Variants in AGFG1 observed in about 807,000 individuals in gnomAD.
AGFG1 encodes the protein ArfGAP with FG repeats 1.
AGFG1 carries 10 observed loss-of-function variants against 60.6 expected under a neutral mutation model. That is an observed-to-expected ratio of 0.16 (90% CI 0.10 to 0.28). The LOEUF is 0.28. AGFG1 is among the 10% of genes least tolerant of loss of function. AGFG1 has a pLI of 1.00. For missense variants in AGFG1, 537 were observed against 676.5 expected (o/e 0.79, Z 2.29); for synonymous variants, 247 against 242.9 (o/e 1.02, Z -0.16).
chr2:227,545,256 C>T (rs1414218440), intron 10 of AGFG1, among the ~76,000 whole-genome samples: 1 of 152,194 alleles, frequency 6.6e-6, no homozygotes, highest in Non-Finnish European at 1.5e-5. Context: ...GAATCAGCTA[C>T]TGAAGCTTGT....
At chr2:227,493,443 A>G (rs956295443) in intron 2 of AGFG1, among the ~76,000 whole-genome samples, 13 of 152,190 alleles carry the variant, frequency 8.5e-5, no homozygotes, top group Non-Finnish European at 5.9e-5. Context: ...ATTTAGTGTA[A>G]TGTCCTCAAG....
At chr2:227,515,702 G>A (rs747546964) in intron 2 of AGFG1, among the ~76,000 whole-genome samples, 1 of 152,088 alleles carries the variant, frequency 6.6e-6, no homozygotes, top group Admixed American at 6.5e-5. Flanking sequence ...TTTATATATT[G>A]ATGGCCACAA....
At position 227,517,226 on chromosome 2, in the gene AGFG1, G is replaced by A. The variant is rs575830627; in HGVS notation, c.262-2722G>A. On this transcript the variant is annotated intron_variant, in intron 2 of 12. Coordinates refer to ENST00000310078, the MANE Select transcript of AGFG1 (RefSeq NM_004504.5). ...CTGTCACTTCCTAAATGACTTTATA[G>A]TATCTGTACTGAGCCTGGAATAGGA... Among the ~76,000 whole-genome samples, 15 of 152,258 alleles carry A rather than the reference G, an allele frequency of 9.9e-5. No individual in the cohort carries two copies. The South Asian group carries it at 3.1e-3, about 32-fold the overall frequency.
intron 10 of AGFG1, among the ~76,000 whole-genome samples, chr2:227,548,974 A>G (rs1221150822): frequency 6.6e-6 from 1 of 151,050 alleles, no homozygotes; most frequent in Non-Finnish European, 1.5e-5. Context: ...TATAAGGGCC[A>G]CATTAATTTT....
intron 5 of AGFG1, 67 bp from the exon 6 acceptor site, chr2:227,531,024 A>C: frequency 7.2e-7 from 1 of 1,381,010 alleles, no homozygotes; most frequent in South Asian, 1.5e-5. Flanking sequence ...TCTTAAACTC[A>C]TGTGTCATGT....
intron 10 of AGFG1, among the ~76,000 whole-genome samples, chr2:227,544,384 G>A (rs35434483): frequency 0.072 from 10,939 of 151,926 alleles, 527 homozygotes; most frequent in Admixed American, 0.11. Flanking sequence ...TCGATCTCCT[G>A]ACCTCGTCAT....
intron 2 of AGFG1, among the ~76,000 whole-genome samples, chr2:227,518,779 G>A (rs1212823187): frequency 1.3e-5 from 2 of 151,886 alleles, no homozygotes; most frequent in East Asian, 3.9e-4. Flanking sequence ...GCCTGCACCC[G>A]GCCTCAGTGT....
In AGFG1 at chr2:227,472,579, C is replaced by G. The variant is rs1559160727; in HGVS notation, c.158C>G (p.Ser53Cys). The G allele has an allele frequency of 6.3e-7, 1 of 1,575,554 alleles. No homozygotes were observed. Among genetic ancestry groups the G allele is most frequent in the African/African-American group, 1.4e-5 (1 of 71,188 alleles). Residue 53 changes from serine to cysteine, a missense_variant, in exon 1 of 13, where the codon TCC becomes TGC. Around this residue, in one of 4 missense-constraint regions of AGFG1, gnomAD observed 120 missense variants for 198.5 expected, o/e 0.60. Transcript: ENST00000310078. The stretch of plus-strand genomic sequence containing the variant: ...GGCTCCTTCGTGTGTACCTCCTGCT[C>G]CGGCAGCCTGTGAGTGCGGGGCGGC... ...TVGSFVCTSC[S>C]GSLRGLNPPH...
chr2:227,528,590 G>T (rs1480436692), intron 5 of AGFG1, among the ~76,000 whole-genome samples: 1 of 152,102 alleles, frequency 6.6e-6, no homozygotes. Flanking sequence ...TCCATTTTAG[G>T]ATTATTGAAA....
intron 10 of AGFG1, 58 bp downstream of exon 10, chr2:227,537,051 C>G (rs1692335934): frequency 6.9e-7 from 1 of 1,456,196 alleles, no homozygotes; most frequent in South Asian, 1.2e-5. Flanking sequence ...TCAACAAAGA[C>G]ACCATGTGAA....
At chr2:227,500,038 C>A (rs190639088) in intron 2 of AGFG1, among the ~76,000 whole-genome samples, 1 of 152,284 alleles carries the variant, frequency 6.6e-6, no homozygotes, top group Admixed American at 6.5e-5. Flanking sequence ...TCTGTCAGGA[C>A]GGCAGCTGAC....
rs34405103 is a variant in AGFG1 at position 227,484,677 on chromosome 2, G to GTTTTTTTTTTTT, written c.168-6860_168-6859insTTTTTTTTTTTT. Among the ~76,000 whole-genome samples the GTTTTTTTTTTTT allele has an allele frequency of 6.0e-5, 7 of 115,896 alleles. 3 individuals carry two copies. Among genetic ancestry groups the GTTTTTTTTTTTT allele is most frequent in the African/African-American group, 1.3e-4 (4 of 29,958 alleles). 76.0% of individuals were successfully genotyped at this position (115,896 alleles called of 152,430 possible). ...AAGCTTCTTTAATGAAGATCTCTTAGTTTTTTTTTTGTTTTTTTTTTTTTT... is the reference window on the plus strand; with the variant it reads ...AAGCTTCTTTAATGAAGATCTCTTAGTTTTTTTTTTTTTTTTTTTTTTGTTTTTTTTTTTTTT... On this transcript the variant is annotated intron_variant, in intron 1 of 12. Coordinates refer to ENST00000310078, the MANE Select transcript of AGFG1 (RefSeq NM_004504.5).
intron 1 of AGFG1, among the ~76,000 whole-genome samples, chr2:227,487,681 G>A (rs1690681569): frequency 7.0e-6 from 1 of 141,990 alleles, no homozygotes; most frequent in African/African-American, 2.5e-5. Context: ...ATAAAAATTG[G>A]TGAGTTTATC....
At chr2:227,496,676 T>C (rs1690985028) in intron 2 of AGFG1, among the ~76,000 whole-genome samples, 1 of 152,224 alleles carries the variant, frequency 6.6e-6, no homozygotes, top group Non-Finnish European at 1.5e-5. Flanking sequence ...ATAATACCTA[T>C]GTATAAAAAT....
intron 5 of AGFG1, among the ~76,000 whole-genome samples, chr2:227,529,938 C>T (rs796416089): frequency 7.3e-5 from 11 of 151,244 alleles, no homozygotes; most frequent in African/African-American, 2.4e-4. Flanking sequence ...GAAGTGCCCT[C>T]TTTTTAAATG....
chr2:227,510,757 GA>G (rs1344665733), intron 2 of AGFG1: 1 of 152,170 alleles, frequency 6.6e-6, no homozygotes, highest in Admixed American at 6.5e-5. Flanking sequence ...GACCTTAAGT[GA>G]AATAAGGTAT....
At chr2:227,478,170 C>T (rs1312323078) in intron 1 of AGFG1, among the ~76,000 whole-genome samples, 3 of 151,034 alleles carry the variant, frequency 2.0e-5, no homozygotes, top group Non-Finnish European at 4.4e-5. Context: ...ATTAGAACCC[C>T]TCATTGTATG....
chr2:227,549,578 TTTGAG>T (rs1323425772), intron 10 of AGFG1, among the ~76,000 whole-genome samples: 6 of 152,222 alleles, frequency 3.9e-5, no homozygotes, highest in Middle Eastern at 3.2e-3. Context: ...AATTAGTTCA[TTTGAG>T]TTATTTGTGT....
intron 2 of AGFG1, among the ~76,000 whole-genome samples, chr2:227,518,883 C>G (rs1691737718): frequency 6.6e-6 from 1 of 152,166 alleles, no homozygotes; most frequent in African/African-American, 2.4e-5. Context: ...CCGCTTTAAA[C>G]AAGTGTTGGC....
Sources: allele counts gnomAD v4.1 joint callset (sites outside exome capture counted in the v4.1 genomes callset), GRCh38; gene constraint gnomAD v4.1.1; regional missense constraint gnomAD v4.1.1; transcripts MANE v1.5; gene names NCBI Gene and HGNC (gene_info 2026-07-23, HGNC 2026-07-21).